Variants in PPARGC1A observed in about 807,000 individuals in gnomAD.
PPARGC1A encodes the protein PPARG coactivator 1 alpha, also known as peroxisome proliferator-activated receptor gamma coactivator 1-alpha.
A neutral mutation model predicts 88.7 loss-of-function variants in PPARGC1A; 25 were observed. The observed-to-expected ratio is 0.28, with a 90% confidence interval of 0.21 to 0.39. The LOEUF (loss-of-function observed/expected upper bound fraction) is 0.39. Ranked by LOEUF, PPARGC1A falls within the 10% of genes least tolerant of loss-of-function variation. The probability of loss-of-function intolerance (pLI) is 1.00; values close to 1 mark genes in which losing one functional copy is unlikely to be tolerated. For synonymous variants in PPARGC1A, 363 were observed against 355.6 expected (o/e 1.02, Z -0.24); for missense variants, 880 against 968.7 (o/e 0.91, Z 1.22).
the PPARGC1A span, among the ~76,000 whole-genome samples, chr4:24,303,128 G>A: frequency 4.6e-5 from 7 of 152,270 alleles, no homozygotes; most frequent in Middle Eastern, 3.4e-3. Flanking sequence ...ACCAAGAAAT[G>A]TCAGCTAAAC....
At chr4:24,389,354 G>A in the PPARGC1A span, among the ~76,000 whole-genome samples, 1 of 151,924 alleles carries the variant, frequency 6.6e-6, no homozygotes, top group African/African-American at 2.4e-5. Context: ...TACTATAAAG[G>A]CCTATAATGG....
chr4:24,046,343 G>A, the PPARGC1A span, among the ~76,000 whole-genome samples: 1 of 152,058 alleles, frequency 6.6e-6, no homozygotes, highest in African/African-American at 2.4e-5. Flanking sequence ...GTTGATTCCT[G>A]TCCTCTCCAC....
the PPARGC1A span, among the ~76,000 whole-genome samples, chr4:24,343,156 A>C: frequency 6.6e-6 from 1 of 152,198 alleles, no homozygotes; most frequent in Non-Finnish European, 1.5e-5. Context: ...CCAAACCCTT[A>C]ATCATAAATG....
chr4:24,050,926 G>T, the PPARGC1A span, among the ~76,000 whole-genome samples: 2 of 152,196 alleles, frequency 1.3e-5, no homozygotes, highest in East Asian at 3.9e-4. Flanking sequence ...AGTGGCTCAC[G>T]CCTGTAATCC....
chr4:24,208,682 A>AAAAAT, the PPARGC1A span, among the ~76,000 whole-genome samples: 4,958 of 134,850 alleles, frequency 0.037, 112 homozygotes, highest in Non-Finnish European at 0.056. Context: ...TCAGAAAAAA[A>AAAAAT]ATATATATAT....
At chr4:24,031,804 C>T in the PPARGC1A span, among the ~76,000 whole-genome samples, 1 of 152,192 alleles carries the variant, frequency 6.6e-6, no homozygotes, top group Non-Finnish European at 1.5e-5. Flanking sequence ...TAATCTTTCC[C>T]TCTGAGAGTC....
At chr4:24,420,901 T>C in the PPARGC1A span, among the ~76,000 whole-genome samples, 1 of 152,190 alleles carries the variant, frequency 6.6e-6, no homozygotes, top group Non-Finnish European at 1.5e-5. Context: ...AGATATGGTG[T>C]CTGGTGAGGG....
At chr4:24,119,463 C>G in the PPARGC1A span, among the ~76,000 whole-genome samples, 20 of 152,254 alleles carry the variant, frequency 1.3e-4, no homozygotes, top group Non-Finnish European at 1.0e-4. Flanking sequence ...TCTGTGGCAA[C>G]TGAGCAGTCA....
the PPARGC1A span, among the ~76,000 whole-genome samples, chr4:24,126,171 A>T: frequency 6.6e-6 from 1 of 152,066 alleles, no homozygotes; most frequent in African/African-American, 2.4e-5. Context: ...TCCCATGTAG[A>T]TGCCAAACGC....
At chr4:24,337,523 G>A in the PPARGC1A span, among the ~76,000 whole-genome samples, 11 of 152,190 alleles carry the variant, frequency 7.2e-5, no homozygotes, top group East Asian at 1.9e-4. Flanking sequence ...GGCGTGGAGC[G>A]CTCCAGGTCC....
the PPARGC1A span, among the ~76,000 whole-genome samples, chr4:24,443,771 G>GT: frequency 0.25 from 37,045 of 149,864 alleles, 5,381 homozygotes; most frequent in Non-Finnish European, 0.32. Context: ...GGCCAGGCTG[G>GT]TCTCGAACTC....
At chr4:24,109,720 C>T in the PPARGC1A span, among the ~76,000 whole-genome samples, 2 of 152,118 alleles carry the variant, frequency 1.3e-5, no homozygotes. Context: ...TAGAGTGTCC[C>T]ACACCACTTT....
At chr4:24,119,501 A>C in the PPARGC1A span, among the ~76,000 whole-genome samples, 2 of 152,170 alleles carry the variant, frequency 1.3e-5, no homozygotes, top group African/African-American at 4.8e-5. Flanking sequence ...ATTAGCATCC[A>C]AAGTGGGACC....
the PPARGC1A span, among the ~76,000 whole-genome samples, chr4:24,372,838 A>C: frequency 6.6e-5 from 10 of 152,220 alleles, no homozygotes; most frequent in African/African-American, 2.4e-4. Context: ...CAAAGTACAA[A>C]TGCTGAATAA....
chr4:24,161,139 A>G, the PPARGC1A span, among the ~76,000 whole-genome samples: 1 of 152,182 alleles, frequency 6.6e-6, no homozygotes, highest in East Asian at 1.9e-4. Context: ...ATGACTTGGG[A>G]TTGCAGTGGT....
chr4:24,038,046 T>G, the PPARGC1A span, among the ~76,000 whole-genome samples: 1 of 152,296 alleles, frequency 6.6e-6, no homozygotes, highest in East Asian at 1.9e-4. Context: ...CCCCACACCA[T>G]GGCACACAGT....
rs186897693 is a variant in PPARGC1A, at chr4:23,815,787, T to C, written c.878-1182A>G. On this transcript the variant is annotated intron_variant, in intron 7 of 12. Coordinates refer to ENST00000264867, the MANE Select transcript of PPARGC1A (RefSeq NM_013261.5). ...ATTTTAGTTTACAATACATTTTCTGTTTAGGAGGCGGGGTGAATACCATTC... is the reference window on the plus strand; with the variant it reads ...ATTTTAGTTTACAATACATTTTCTGCTTAGGAGGCGGGGTGAATACCATTC... Among the ~76,000 whole-genome samples the C allele has an allele frequency of 2.9e-3, 449 of 152,258 alleles. 2 individuals are homozygous for C. The highest frequency in any genetic ancestry group is 4.8e-3 in the Non-Finnish European group (324 of 68,016).
the PPARGC1A span, among the ~76,000 whole-genome samples, chr4:24,286,261 C>G: frequency 1.3e-5 from 2 of 152,146 alleles, no homozygotes; most frequent in East Asian, 3.8e-4. Flanking sequence ...TTGTCCAAAG[C>G]TACAGGCTTC....
At chr4:24,243,826 T>C in the PPARGC1A span, among the ~76,000 whole-genome samples, 2 of 152,224 alleles carry the variant, frequency 1.3e-5, no homozygotes, top group Non-Finnish European at 2.9e-5. Context: ...GCTAGTCACA[T>C]GGAATCATTT....
Sources: gnomAD v4.1 joint callset for allele counts (sites outside exome capture counted in the v4.1 genomes callset) on GRCh38, gnomAD v4.1.1 for gene constraint, MANE v1.5 for transcripts, NCBI Gene and HGNC (gene_info 2026-07-23, HGNC 2026-07-21) for gene names.